Variants in DOCK4 observed in about 807,000 individuals in gnomAD.
The protein encoded by DOCK4 is dedicator of cytokinesis protein 4.
In DOCK4, 97 loss-of-function variants were observed where a neutral mutation model predicts 268.1. The ratio of observed to expected loss-of-function variants is 0.36; its 90% CI spans 0.31 to 0.43. The LOEUF (loss-of-function observed/expected upper bound fraction) is 0.43. Ranked by LOEUF, DOCK4 falls within the 20% of genes least tolerant of loss-of-function variation. The pLI is 1.00. For synonymous variants in DOCK4, 954 were observed against 887.2 expected, an observed-to-expected ratio of 1.08 and a Z score of -1.34; for missense variants, 2,145 against 2,455.7, an observed-to-expected ratio of 0.87 and a Z score of 2.67.
chr7:111,975,407 G>A (rs781497229), intron 8 of DOCK4, among the ~76,000 whole-genome samples: 1 of 152,156 alleles, frequency 6.6e-6, no homozygotes, highest in Non-Finnish European at 1.5e-5. Flanking sequence ...TAAAGATTTT[G>A]TAATCTAAAC....
chr7:111,802,337 C>T (rs530747088), intron 30 of DOCK4, among the ~76,000 whole-genome samples: 1 of 152,270 alleles, frequency 6.6e-6, no homozygotes, highest in Admixed American at 6.5e-5. Flanking sequence ...CTTCCATAAC[C>T]CTGCCTCATG....
In DOCK4 at chr7:111,809,296, C is replaced by A. The variant is rs759661258; in HGVS notation, c.3107+5G>T. 6.5e-7 allele frequency: 1 copy of A among 1,549,338 alleles called. No homozygotes were observed. On this transcript the variant is annotated splice_donor_5th_base_variant and intron_variant, in intron 29 of 52. Transcript: ENST00000428084. ...TTTCTCACCTGATTATACACTGATA[C>A]TTACTTTTCTAACACCTTTTTCTTC...
At chr7:112,097,151 G>A (rs1412590666) in intron 1 of DOCK4, among the ~76,000 whole-genome samples, 3 of 152,142 alleles carry the variant, frequency 2.0e-5, no homozygotes, top group African/African-American at 7.2e-5. Flanking sequence ...AGGAGTACTG[G>A]TACCCAGCCT....
chr7:111,992,191 A>AC (rs1171817500), intron 5 of DOCK4, among the ~76,000 whole-genome samples: 1 of 152,068 alleles, frequency 6.6e-6, no homozygotes, highest in Non-Finnish European at 1.5e-5. Context: ...TCAAGCATTC[A>AC]CCATGTGCTT....
At chr7:112,025,316 A>G (rs1802685060) in intron 1 of DOCK4, among the ~76,000 whole-genome samples, 1 of 152,146 alleles carries the variant, frequency 6.6e-6, no homozygotes. Context: ...AATCACCACA[A>G]GCTCCAAGAT....
chr7:112,203,826 TACACACACACACACACACACAC>T (rs3056587), intron 1 of DOCK4, among the ~76,000 whole-genome samples: 1 of 146,894 alleles, frequency 6.8e-6, no homozygotes, highest in African/African-American at 2.5e-5. Context: ...AAAATTTCAC[TACACACACACACACACACACAC>T]ACACACACAC....
chr7:111,922,004 A>C (rs1793176156), intron 12 of DOCK4, among the ~76,000 whole-genome samples: 1 of 152,250 alleles, frequency 6.6e-6, no homozygotes, highest in Non-Finnish European at 1.5e-5. Flanking sequence ...CAATCCTCTA[A>C]CATAGGAGAC....
intron 5 of DOCK4, among the ~76,000 whole-genome samples, chr7:111,992,342 G>C (rs1799610133): frequency 6.6e-6 from 1 of 152,180 alleles, no homozygotes; most frequent in South Asian, 2.1e-4. Flanking sequence ...ACTTGAGCAT[G>C]AGGAACTTGA....
Position 111,992,728 on chromosome 7 carries a change from T to C in DOCK4, c.315+1407A>G, listed in dbSNP as rs116079012. ...ACTAGTAGCTATATAAAAGGAAAAG[T>C]GTTTGTGTTCTAGTTCAGCTAATGG... On this transcript the variant is annotated intron_variant, in intron 5 of 52. Transcript: ENST00000428084. 4.0e-3 allele frequency among the ~76,000 whole-genome samples: 602 copies of C among 152,298 alleles called. 7 individuals are homozygous for C. The highest frequency in any genetic ancestry group is 0.014 in the African/African-American group (572 of 41,552).
intron 38 of DOCK4, among the ~76,000 whole-genome samples, chr7:111,766,719 C>T (rs1344437181): frequency 6.6e-6 from 1 of 152,124 alleles, no homozygotes; most frequent in Non-Finnish European, 1.5e-5. Flanking sequence ...GTTACAGAAA[C>T]TTATGTGTAA....
At chr7:111,980,348 T>G (rs991472375) in intron 7 of DOCK4, among the ~76,000 whole-genome samples, 2 of 152,224 alleles carry the variant, frequency 1.3e-5, no homozygotes, top group African/African-American at 4.8e-5. Flanking sequence ...GTGAAAGTAT[T>G]ATTACAATCA....
chr7:111,959,094 G>C (rs916192949), intron 8 of DOCK4, among the ~76,000 whole-genome samples: 1 of 152,146 alleles, frequency 6.6e-6, no homozygotes, highest in African/African-American at 2.4e-5. Context: ...CAGAAAGCAG[G>C]AGTGCCTTTC....
At chr7:111,771,338 C>T (rs1278076377) in intron 36 of DOCK4, among the ~76,000 whole-genome samples, 1 of 152,192 alleles carries the variant, frequency 6.6e-6, no homozygotes, top group African/African-American at 2.4e-5. Flanking sequence ...ATCCACTTTC[C>T]AGGAATGAGC....
intron 27 of DOCK4, among the ~76,000 whole-genome samples, chr7:111,812,806 A>G (rs1375102785): frequency 1.3e-5 from 2 of 152,222 alleles, no homozygotes; most frequent in Non-Finnish European, 2.9e-5. Context: ...GAAATTGTCT[A>G]TAACCCAGTA....
intron 8 of DOCK4, among the ~76,000 whole-genome samples, chr7:111,950,810 G>A (rs1026222283): frequency 1.3e-5 from 2 of 152,200 alleles, no homozygotes; most frequent in African/African-American, 4.8e-5. Flanking sequence ...CTGTCCTCAT[G>A]AACATTTTAT....
chr7:111,939,903 T>C (rs531234124), intron 11 of DOCK4, among the ~76,000 whole-genome samples: 2 of 152,344 alleles, frequency 1.3e-5, no homozygotes, highest in South Asian at 2.1e-4. Context: ...TCTGTACTCA[T>C]TGGTTCTTAA....
chr7:112,074,280 C>A (rs926105862), intron 1 of DOCK4, among the ~76,000 whole-genome samples: 9 of 152,114 alleles, frequency 5.9e-5, no homozygotes, highest in Non-Finnish European at 2.9e-5. Context: ...AATATTACAT[C>A]CACAGGTTAG....
intron 8 of DOCK4, among the ~76,000 whole-genome samples, chr7:111,949,294 A>G (rs1183298331): frequency 3.3e-5 from 5 of 152,238 alleles, no homozygotes; most frequent in African/African-American, 1.2e-4. Flanking sequence ...GGCATTTTCA[A>G]TATTAAAACC....
chr7:111,985,913 T>A (rs1799016898), intron 6 of DOCK4, among the ~76,000 whole-genome samples: 1 of 152,216 alleles, frequency 6.6e-6, no homozygotes, highest in South Asian at 2.1e-4. Context: ...TGGGTCAATA[T>A]TGCTGATGAA....
Sources: allele counts gnomAD v4.1 joint callset (sites outside exome capture counted in the v4.1 genomes callset), GRCh38; gene constraint gnomAD v4.1.1; transcripts MANE v1.5; gene names NCBI Gene and HGNC (gene_info 2026-07-23, HGNC 2026-07-21).